Variants in SYTL3 observed in about 807,000 individuals in gnomAD.
The protein encoded by SYTL3 is synaptotagmin like 3.
In SYTL3, 88 loss-of-function variants were observed where a neutral mutation model predicts 82.1. The ratio of observed to expected loss-of-function variants is 1.07; its 90% CI spans 0.90 to 1.28. The LOEUF is 1.28. Ranked by LOEUF, SYTL3 falls within the 50% of genes most tolerant of loss-of-function variation. The probability of loss-of-function intolerance (pLI) is 0.00; values close to 1 mark genes in which losing one functional copy is unlikely to be tolerated. For missense variants in SYTL3, 831 were observed against 757.6 expected (o/e 1.10, Z -1.14); for synonymous variants, 311 against 289.4 (o/e 1.07, Z -0.76).
At chr6:158,699,671 G>C (rs1780952453) in intron 6 of SYTL3, among the ~76,000 whole-genome samples, 1 of 152,164 alleles carries the variant, frequency 6.6e-6, no homozygotes, top group South Asian at 2.1e-4. Context: ...AATTGGGCCA[G>C]GTGTGGTGGC....
intron 6 of SYTL3, among the ~76,000 whole-genome samples, chr6:158,686,262 A>C (rs1779281993): frequency 1.3e-5 from 2 of 152,234 alleles, no homozygotes; most frequent in African/African-American, 4.8e-5. Flanking sequence ...AAGGACAAAC[A>C]AACCAGGGTC....
chr6:158,659,995 C>T (rs1789168467), intron 2 of SYTL3, among the ~76,000 whole-genome samples: 1 of 152,152 alleles, frequency 6.6e-6, no homozygotes. Context: ...CTTGAACAGG[C>T]CGGGCGTGGT....
chr6:158,696,511 T>C (rs148453839), intron 6 of SYTL3, among the ~76,000 whole-genome samples: 1 of 152,014 alleles, frequency 6.6e-6, no homozygotes, highest in Non-Finnish European at 1.5e-5. Context: ...CCAACACTTA[T>C]TTTTATAACA....
intron 11 of SYTL3, among the ~76,000 whole-genome samples, chr6:158,738,007 A>G (rs528587867): frequency 6.6e-6 from 1 of 152,330 alleles, no homozygotes; most frequent in East Asian, 1.9e-4. Flanking sequence ...ATGAGTAATG[A>G]CAATGCTTCC....
chr6:158,663,488 T>A, intron 4 of SYTL3, 110 bp downstream of exon 4: 2 of 1,500,146 alleles, frequency 1.3e-6, no homozygotes, highest in Non-Finnish European at 1.8e-6. Flanking sequence ...CACCTGCTGC[T>A]GGGCTTCGTG....
At chr6:158,750,299 C>T (rs1004101876) in intron 12 of SYTL3, among the ~76,000 whole-genome samples, 8 of 152,050 alleles carry the variant, frequency 5.3e-5, no homozygotes, top group Non-Finnish European at 8.8e-5. Flanking sequence ...TACCTGGTTA[C>T]GGGCAGGACT....
Position 158,751,992 on chromosome 6 carries a change from AG to A in SYTL3, c.1101del (p.Asn368ThrfsTer11), listed in dbSNP as rs753567441. 33 of 1,603,276 alleles carry A rather than the reference AG, an allele frequency of 2.1e-5. 1 individual carries two copies. In the Middle Eastern group the frequency reaches 2.8e-3, roughly 137 times the overall value. ...SQGKRKTGVQRNTVDPTFQET... is the reference protein window; with the variant it reads ...SQGKRKTGVQXNTVDPTFQET... ...GGGAAAGCGCAAGACTGGAGTCCAAAGGAACACCGTGGACCCGACCTTTCAG... is the reference window on the plus strand; with the variant it reads ...GGGAAAGCGCAAGACTGGAGTCCAAAGAACACCGTGGACCCGACCTTTCAG... On this transcript the variant is annotated frameshift_variant, in exon 13 of 18. Coordinates refer to ENST00000611299, the MANE Select transcript of SYTL3 (RefSeq NM_001242394.2). LOFTEE classifies it high-confidence loss of function.
Position 158,763,468 on chromosome 6 carries a change from G to C in SYTL3, c.1682G>C (p.Gly561Ala), listed in dbSNP as rs1230751701. The change falls in exon 17 of 18, where the codon GGA becomes GCA. Residue 561 changes from glycine to alanine, a missense_variant. By Grantham distance (60) the Gly-to-Ala change is moderately conservative. Coordinates refer to ENST00000611299, the MANE Select transcript of SYTL3 (RefSeq NM_001242394.2). ...ACTGTCTGGGATCAGGCCCTCTTTG[G>C]AATGAACGACCGCTTGCTTGGAGGA... ...ELTVWDQALF[G>A]MNDRLLGGTR... is the part of the protein sequence containing the mutation. 6.2e-7 allele frequency: 1 copy of C among 1,614,202 alleles called. No individual in the cohort carries two copies. Among genetic ancestry groups the C allele is most frequent in the Non-Finnish European group, 8.5e-7 (1 of 1,180,034 alleles).
chr6:158,724,525 T>C (rs548227591), intron 10 of SYTL3, among the ~76,000 whole-genome samples: 1 of 152,340 alleles, frequency 6.6e-6, no homozygotes, highest in Non-Finnish European at 1.5e-5. Flanking sequence ...TGTGTTCCAA[T>C]GGAACTTTTC....
chr6:158,755,446 C>A (rs550448781), intron 13 of SYTL3, among the ~76,000 whole-genome samples: 1 of 152,318 alleles, frequency 6.6e-6, no homozygotes, highest in East Asian at 1.9e-4. Flanking sequence ...ATCTCCATGG[C>A]CACAAGCCAC....
chr6:158,724,247 G>A (rs564702628), intron 10 of SYTL3, among the ~76,000 whole-genome samples: 1 of 152,174 alleles, frequency 6.6e-6, no homozygotes, highest in Admixed American at 6.5e-5. Flanking sequence ...ATTTAGCATA[G>A]TGCTGTGAAT....
chr6:158,692,109 T>G (rs1779947553), intron 6 of SYTL3, among the ~76,000 whole-genome samples: 2 of 147,280 alleles, frequency 1.4e-5, no homozygotes, highest in South Asian at 4.3e-4. Flanking sequence ...TACACAAAAA[T>G]TAGCCGGGCG....
intron 2 of SYTL3, among the ~76,000 whole-genome samples, chr6:158,655,858 ACAGC>A (rs1788610526): frequency 6.6e-6 from 1 of 152,172 alleles, no homozygotes; most frequent in Non-Finnish European, 1.5e-5. Context: ...ACTCACCCAC[ACAGC>A]CAGCCCCCAG....
chr6:158,699,599 C>A (rs750840745), intron 6 of SYTL3, among the ~76,000 whole-genome samples: 1 of 152,044 alleles, frequency 6.6e-6, no homozygotes, highest in Non-Finnish European at 1.5e-5. Flanking sequence ...GTGCTGTGAG[C>A]CCTGCTGTGG....
At chr6:158,720,249 C>T (rs117501757) in intron 10 of SYTL3, among the ~76,000 whole-genome samples, 5,904 of 151,866 alleles carry the variant, frequency 0.039, 170 homozygotes, top group Middle Eastern at 0.075. Flanking sequence ...TAAAAATACA[C>T]AAATTAGCCA....
At chr6:158,692,966 A>G (rs1334395138) in intron 6 of SYTL3, among the ~76,000 whole-genome samples, 1 of 151,958 alleles carries the variant, frequency 6.6e-6, no homozygotes, top group South Asian at 2.1e-4. Flanking sequence ...AAAGAAAAAA[A>G]AAAGCAGGTG....
At chr6:158,743,957 C>T (rs1201102676) in intron 11 of SYTL3, among the ~76,000 whole-genome samples, 2 of 152,000 alleles carry the variant, frequency 1.3e-5, no homozygotes, top group Non-Finnish European at 1.5e-5. Flanking sequence ...CTCACTCTGT[C>T]GCCCAGGCTG....
At chr6:158,754,777 A>G (rs904549622) in intron 13 of SYTL3, among the ~76,000 whole-genome samples, 23 of 152,224 alleles carry the variant, frequency 1.5e-4, no homozygotes, top group Admixed American at 3.9e-4. Flanking sequence ...GAGTAGTCCT[A>G]TTGACAGAAA....
Position 158,707,217 on chromosome 6 carries a change from A to G in SYTL3, c.395-13A>G. On this transcript the variant is annotated splice_polypyrimidine_tract_variant and intron_variant, in intron 6 of 17. Coordinates refer to ENST00000611299, the MANE Select transcript of SYTL3 (RefSeq NM_001242394.2). ...TCTTAATAATAAACGCCCTCTATGG[A>G]TATCTCTCGCAGGCAAACATGAGAC... 1 of 1,613,618 alleles carries G rather than the reference A, an allele frequency of 6.2e-7. No homozygotes were observed. The highest frequency in any genetic ancestry group is 8.5e-7 in the Non-Finnish European group (1 of 1,179,884).
Sources: gnomAD v4.1 joint callset for allele counts (sites outside exome capture counted in the v4.1 genomes callset) on GRCh38, gnomAD v4.1.1 for gene constraint, MANE v1.5 for transcripts, NCBI Gene and HGNC (gene_info 2026-07-23, HGNC 2026-07-21) for gene names.